FNDC3B: variants seen among roughly 807,000 people sequenced by gnomAD.
The protein encoded by FNDC3B is fibronectin type III domain-containing protein 3B.
FNDC3B carries 12 observed loss-of-function variants against 151.5 expected under a neutral mutation model. The observed-to-expected ratio is 0.08, with a 90% confidence interval of 0.05 to 0.13. The LOEUF (loss-of-function observed/expected upper bound fraction) is 0.13. Ranked by LOEUF, FNDC3B falls within the 10% of genes least tolerant of loss-of-function variation. The pLI is 1.00. For synonymous variants in FNDC3B, 528 were observed against 549.0 expected, an observed-to-expected ratio of 0.96 and a Z score of 0.54; for missense variants, 1,214 against 1,505.3, an observed-to-expected ratio of 0.81 and a Z score of 3.20.
chr3:172,043,173 T>G (rs1576811544), intron 1 of FNDC3B, among the ~76,000 whole-genome samples: 1 of 152,230 alleles, frequency 6.6e-6, no homozygotes, highest in African/African-American at 2.4e-5. Flanking sequence ...CGCCTCGGGC[T>G]CCCAGAGTGC....
At chr3:172,315,336 C>T (rs945279088) in intron 11 of FNDC3B, among the ~76,000 whole-genome samples, 9 of 152,194 alleles carry the variant, frequency 5.9e-5, no homozygotes, top group African/African-American at 2.2e-4. Flanking sequence ...AAGATTGCAC[C>T]ACTGCGCTCC....
At chr3:172,101,566 G>A (rs1437796197) in intron 1 of FNDC3B, among the ~76,000 whole-genome samples, 1 of 151,978 alleles carries the variant, frequency 6.6e-6, no homozygotes, top group East Asian at 1.9e-4. Context: ...TTGGAATATT[G>A]TTATTATTAA....
intron 2 of FNDC3B, among the ~76,000 whole-genome samples, chr3:172,125,771 C>T (rs1720780468): frequency 6.6e-6 from 1 of 152,096 alleles, no homozygotes; most frequent in South Asian, 2.1e-4. Flanking sequence ...TTAAATCTCT[C>T]GCTTCTACTT....
chr3:172,214,965 A>G (rs1337701341), intron 3 of FNDC3B, among the ~76,000 whole-genome samples: 1 of 152,242 alleles, frequency 6.6e-6, no homozygotes, highest in African/African-American at 2.4e-5. Context: ...TATATTGAGT[A>G]ATGATATGTT....
At chr3:172,120,142 T>C (rs1024915281) in intron 2 of FNDC3B, among the ~76,000 whole-genome samples, 1 of 152,220 alleles carries the variant, frequency 6.6e-6, no homozygotes, top group Admixed American at 6.5e-5. Flanking sequence ...CATATAATTA[T>C]GGCAGCTCTG....
intron 9 of FNDC3B, among the ~76,000 whole-genome samples, chr3:172,304,828 C>G (rs1239222625): frequency 6.7e-6 from 1 of 148,672 alleles, no homozygotes. Flanking sequence ...ACCTGGGAGG[C>G]AGAGGTTGCA....
intron 2 of FNDC3B, among the ~76,000 whole-genome samples, chr3:172,116,714 T>C (rs937265345): frequency 6.6e-6 from 1 of 152,086 alleles, no homozygotes. Context: ...TACAGGCATA[T>C]GCCACCACGC....
At chr3:172,262,218 A>G (rs189644900) in intron 6 of FNDC3B, among the ~76,000 whole-genome samples, 172 of 152,362 alleles carry the variant, frequency 1.1e-3, no homozygotes, top group Non-Finnish European at 1.7e-3. Context: ...ATTATTGTAT[A>G]TTCTATTCCT....
chr3:172,229,348 A>C (rs115521651), intron 4 of FNDC3B, among the ~76,000 whole-genome samples: 1 of 152,148 alleles, frequency 6.6e-6, no homozygotes, highest in East Asian at 1.9e-4. Flanking sequence ...TTACCTCTCA[A>C]GAGGCACCTT....
chr3:172,379,438 T>C lies in FNDC3B; in HGVS notation c.3175+1002T>C, dbSNP rs73880157. ...TACAACCAGGGCACAAAGTCAATTA[T>C]AGGAACTTTCCAGGACCTGGGTCAG... On this transcript the variant is annotated intron_variant, in intron 24 of 25. Transcript: ENST00000415807. Among the ~76,000 whole-genome samples, 802 of 152,348 alleles carry C rather than the reference T, an allele frequency of 5.3e-3. 6 individuals are homozygous for C. The highest frequency in any genetic ancestry group is 0.019 in the African/African-American group (771 of 41,582).
intron 25 of FNDC3B, among the ~76,000 whole-genome samples, chr3:172,392,039 T>C (rs1405388770): frequency 6.6e-6 from 1 of 152,166 alleles, no homozygotes; most frequent in African/African-American, 2.4e-5. Context: ...GGAAATAACT[T>C]ACAGTGAGGC....
intron 3 of FNDC3B, among the ~76,000 whole-genome samples, chr3:172,223,299 A>C (rs1265838607): frequency 1.3e-5 from 2 of 152,214 alleles, no homozygotes; most frequent in African/African-American, 4.8e-5. Context: ...CTATAGATGC[A>C]ATGGTTTATT....
At chr3:172,192,892 C>G (rs1724605066) in intron 3 of FNDC3B, among the ~76,000 whole-genome samples, 1 of 152,030 alleles carries the variant, frequency 6.6e-6, no homozygotes, top group Admixed American at 6.5e-5. Flanking sequence ...ATAACAAAAC[C>G]AACCAGTTTG....
intron 11 of FNDC3B, among the ~76,000 whole-genome samples, chr3:172,321,119 A>G (rs1263890658): frequency 6.6e-6 from 1 of 152,198 alleles, no homozygotes; most frequent in African/African-American, 2.4e-5. Context: ...ACAGATACCC[A>G]GAGAGAGAGG....
chr3:172,336,982 AACAT>A (rs1222778532), intron 15 of FNDC3B, among the ~76,000 whole-genome samples: 1 of 152,114 alleles, frequency 6.6e-6, no homozygotes, highest in Non-Finnish European at 1.5e-5. Context: ...CAGAAATATG[AACAT>A]ACAGTCTTAC....
At chr3:172,304,519 G>C (rs1012217496) in intron 9 of FNDC3B, among the ~76,000 whole-genome samples, 2 of 152,238 alleles carry the variant, frequency 1.3e-5, no homozygotes, top group East Asian at 3.9e-4. Context: ...GAATGATGGG[G>C]ACTCTAGCGA....
At chr3:172,301,133 T>C (rs1228521972) in intron 9 of FNDC3B, among the ~76,000 whole-genome samples, 1 of 152,208 alleles carries the variant, frequency 6.6e-6, no homozygotes, top group Non-Finnish European at 1.5e-5. Context: ...AAAATGAGAA[T>C]GATAATGATA....
intron 3 of FNDC3B, among the ~76,000 whole-genome samples, chr3:172,224,216 G>T (rs961784249): frequency 1.3e-5 from 2 of 152,128 alleles, no homozygotes; most frequent in Non-Finnish European, 2.9e-5. Context: ...CAACTCTCTC[G>T]TTGGCTGTGT....
intron 7 of FNDC3B, among the ~76,000 whole-genome samples, chr3:172,291,445 A>AT (rs1353403352): frequency 1.3e-5 from 2 of 152,156 alleles, no homozygotes; most frequent in African/African-American, 4.8e-5. Flanking sequence ...TGGAATCTAC[A>AT]TTTAATAAAT....
Sources: gnomAD v4.1 joint callset for allele counts (sites outside exome capture counted in the v4.1 genomes callset) on GRCh38, gnomAD v4.1.1 for gene constraint, MANE v1.5 for transcripts, NCBI Gene and HGNC (gene_info 2026-07-23, HGNC 2026-07-21) for gene names.